SH3GLB1: variants seen among roughly 807,000 people sequenced by gnomAD.
The protein encoded by SH3GLB1 is SH3 domain containing GRB2 like, endophilin B1.
A neutral mutation model predicts 42.0 loss-of-function variants in SH3GLB1; 17 were observed. The ratio of observed to expected loss-of-function variants is 0.40; its 90% CI spans 0.28 to 0.61. The LOEUF is 0.61. SH3GLB1 is among the 20% of genes least tolerant of loss of function. The pLI, the probability that SH3GLB1 is intolerant of heterozygous loss-of-function variation, is 0.36. For missense variants in SH3GLB1, 355 were observed against 426.3 expected, an observed-to-expected ratio of 0.83 and a Z score of 1.47; for synonymous variants, 132 against 146.6, an observed-to-expected ratio of 0.90 and a Z score of 0.72.
chr1:86,743,262 A>G lies in SH3GLB1; in HGVS notation c.*27A>G, dbSNP rs748827628. On this transcript the variant is annotated 3_prime_UTR_variant, in exon 9 of 9. Coordinates refer to ENST00000370558, the MANE Select transcript of SH3GLB1 (RefSeq NM_016009.5). Reference sequence around the variant, plus strand: ...TAGGTGGACTATGGAAAGGTTGCCCATCATGACTTTGTATTTATATACAAT... The same window carrying G: ...TAGGTGGACTATGGAAAGGTTGCCCGTCATGACTTTGTATTTATATACAAT... 1.5e-5 allele frequency: 22 copies of G among 1,508,306 alleles called. No homozygotes were observed. In the East Asian group the frequency reaches 5.0e-4, roughly 35 times the overall value. The allele number at this position is 1,508,306 out of a possible 1,614,324, so 93.4% of individuals were successfully genotyped here.
intron 1 of SH3GLB1, among the ~76,000 whole-genome samples, chr1:86,706,176 G>A (rs1393818079): frequency 6.6e-6 from 1 of 152,220 alleles, no homozygotes; most frequent in Non-Finnish European, 1.5e-5. Context: ...CCTTACTGAG[G>A]TTAAGAAACT....
rs751913614 is a variant in SH3GLB1 at position 86,743,275 on chromosome 1, A to AT, written c.*43dup. ...GAAAGGTTGCCCATCATGACTTTGT[A>AT]TTTATATACAATTAACTCTAAATAA... On this transcript the variant is annotated 3_prime_UTR_variant, in exon 9 of 9. Coordinates refer to ENST00000370558, the MANE Select transcript of SH3GLB1 (RefSeq NM_016009.5). 1 of 1,353,384 alleles carries AT rather than the reference A, an allele frequency of 7.4e-7. No individual in the cohort carries two copies. The highest frequency in any genetic ancestry group is 2.2e-5 in the Admixed American group (1 of 45,628). 83.8% of individuals were successfully genotyped at this position (1,353,384 alleles called of 1,614,324 possible).
rs1221082595 is a variant in SH3GLB1 at position 86,743,250 on chromosome 1, G to A, written c.*15G>A. 2.6e-6 allele frequency: 4 copies of A among 1,560,484 alleles called. No homozygotes were observed. Among genetic ancestry groups the A allele is most frequent in the Non-Finnish European group, 3.5e-6 (4 of 1,150,914 alleles). On this transcript the variant is annotated 3_prime_UTR_variant, in exon 9 of 9. Transcript: ENST00000370558. ...TGCTCAATTAAGTAGGTGGACTATG[G>A]AAAGGTTGCCCATCATGACTTTGTA...
intron 1 of SH3GLB1, among the ~76,000 whole-genome samples, chr1:86,708,816 C>G (rs1268729521): frequency 1.3e-5 from 2 of 152,152 alleles, no homozygotes; most frequent in Non-Finnish European, 2.9e-5. Context: ...ACAATCTGGT[C>G]CTTTCTCTCA....
chr1:86,722,574 A>C lies in SH3GLB1; in HGVS notation c.378A>C (p.Lys126Asn), dbSNP rs751791058. The change falls in exon 4 of 9, where the codon AAA becomes AAC. Residue 126 changes from lysine (K) to asparagine (N), a missense_variant. Lys to Asn is a moderately conservative substitution (Grantham distance 94). Transcript: ENST00000370558. ...TTATTAAATGTGGAGAAACCCAAAA[A>C]AGAATTGGAACAGCAGACAGAGAAC... is the stretch of plus-strand genomic sequence containing the variant. ...NALIKCGETQ[K>N]RIGTADRELI... The C allele has an allele frequency of 3.1e-6, 5 of 1,603,058 alleles. No homozygotes were observed. Among genetic ancestry groups the C allele is most frequent in the Non-Finnish European group, 4.3e-6 (5 of 1,176,072 alleles).
At chr1:86,724,543 T>C in intron 5 of SH3GLB1, 138 bp downstream of exon 5, 1 of 683,214 alleles carries the variant, frequency 1.5e-6, no homozygotes. Context: ...CAGAACTTAA[T>C]ACATCCAAAT....
intron 5 of SH3GLB1, among the ~76,000 whole-genome samples, chr1:86,731,119 G>C (rs964250770): frequency 6.6e-6 from 1 of 152,182 alleles, no homozygotes; most frequent in Non-Finnish European, 1.5e-5. Flanking sequence ...GGCTGGGAAA[G>C]CAAGTAATTA....
intron 5 of SH3GLB1, chr1:86,730,244 AG>A (rs903341749): frequency 7.8e-6 from 11 of 1,403,802 alleles, no homozygotes; most frequent in Non-Finnish European, 1.0e-5. Flanking sequence ...TCTGAAAATG[AG>A]GGATATGTTC....
rs761912992 is a variant in SH3GLB1 at position 86,724,384 on chromosome 1, A to C, written c.549A>C (p.Lys183Asn). ...DAAKTRLKKAKAAETRNSSEQ... is the reference protein window; with the variant it reads ...DAAKTRLKKANAAETRNSSEQ... ...CAAAAACGAGACTAAAAAAGGCAAA[A>C]GCTGCAGAAACTAGAAATTCAGTAA... Residue 183 changes from lysine to asparagine, a missense_variant, in exon 5 of 9, where the codon AAA becomes AAC. Physicochemically the swap from Lys to Asn is moderately conservative, Grantham distance 94. Transcript: ENST00000370558. The C allele has an allele frequency of 3.7e-6, 6 of 1,601,942 alleles. No homozygotes were observed. The African/African-American group carries it at 8.1e-5, about 22-fold the overall frequency.
rs1319417665 is a variant in SH3GLB1, at chr1:86,733,936, T to C, written c.571-666T>C. On this transcript the variant is annotated intron_variant, in intron 5 of 8. Coordinates refer to ENST00000370558, the MANE Select transcript of SH3GLB1 (RefSeq NM_016009.5). The stretch of plus-strand genomic sequence containing the variant: ...CACACTACTGATTGAAGTTCGATCA[T>C]AACTTAAAAAGCTTTTTAAAACCCT... Among the ~76,000 whole-genome samples the C allele has an allele frequency of 1.3e-5, 2 of 152,174 alleles. 1 individual carries two copies. The highest frequency in any genetic ancestry group is 4.1e-4 in the South Asian group (2 of 4,826).
chr1:86,722,514 T>C lies in SH3GLB1; in HGVS notation c.344-26T>C, dbSNP rs114451828. On this transcript the variant is annotated intron_variant, in intron 3 of 8. Transcript: ENST00000370558. ...ATTTTCTGGTATTACCAGACAATGA[T>C]TTTTAAAAACATTTTTCCTTTGCAG... 692 of 1,552,156 alleles carry C rather than the reference T, an allele frequency of 4.5e-4. 5 individuals are homozygous for C. In the African/African-American group the frequency reaches 7.9e-3, roughly 18 times the overall value.
At chr1:86,739,443 A>C (rs1655949404) in intron 7 of SH3GLB1, among the ~76,000 whole-genome samples, 1 of 152,226 alleles carries the variant, frequency 6.6e-6, no homozygotes, top group Non-Finnish European at 1.5e-5. Context: ...AGGACTACGA[A>C]TTGACCATTG....
chr1:86,729,781 T>C (rs894672791), intron 5 of SH3GLB1, among the ~76,000 whole-genome samples: 4 of 152,118 alleles, frequency 2.6e-5, no homozygotes, highest in African/African-American at 9.7e-5. Flanking sequence ...TGAAATCATT[T>C]AGTCCAAATC....
rs758840996 is a variant in SH3GLB1 at position 86,743,364 on chromosome 1, G to A, written c.*129G>A. The A allele has an allele frequency of 6.1e-5, 29 of 478,264 alleles. No homozygotes were observed. Among genetic ancestry groups the A allele is most frequent in the Non-Finnish European group, 9.3e-5 (26 of 280,668 alleles). The allele number at this position is 478,264 out of a possible 1,614,324, so 29.6% of individuals were successfully genotyped here. A position where few individuals can be genotyped will look rare whatever the true frequency, so the allele number is the denominator to read the frequency against. The stretch of plus-strand genomic sequence containing the variant: ...CTGAAAATACCAGCCATCAGAAACT[G>A]GCCTTTCTGCCAATAAAGTTGCATG... On this transcript the variant is annotated 3_prime_UTR_variant, in exon 9 of 9. Coordinates refer to ENST00000370558, the MANE Select transcript of SH3GLB1 (RefSeq NM_016009.5).
At chr1:86,726,771 C>T (rs1422388200) in intron 5 of SH3GLB1, among the ~76,000 whole-genome samples, 1 of 151,918 alleles carries the variant, frequency 6.6e-6, no homozygotes, top group Non-Finnish European at 1.5e-5. Flanking sequence ...TTTATTATTA[C>T]ATAAAGCCTG....
chr1:86,716,157 C>T (rs1654515669), intron 2 of SH3GLB1, among the ~76,000 whole-genome samples: 1 of 152,034 alleles, frequency 6.6e-6, no homozygotes, highest in Non-Finnish European at 1.5e-5. Flanking sequence ...AATATGTTTT[C>T]CTTTTTCATC....
chr1:86,719,820 C>A (rs1654761768), intron 3 of SH3GLB1, among the ~76,000 whole-genome samples, 185 bp downstream of exon 3: 2 of 151,210 alleles, frequency 1.3e-5, no homozygotes. Context: ...ATGGTGAAAC[C>A]CCGTCTCTAC....
At chr1:86,722,010 C>CTTTTTTTTT (rs377380040) in intron 3 of SH3GLB1, among the ~76,000 whole-genome samples, 1 of 111,640 alleles carries the variant, frequency 9.0e-6, no homozygotes. Context: ...AGGCAACCAT[C>CTTTTTTTTT]TTTTTTTTTT....
At position 86,743,362 on chromosome 1, in the gene SH3GLB1, C is replaced by T. The variant is rs192547923; in HGVS notation, c.*127C>T. 51 of 479,366 alleles carry T rather than the reference C, an allele frequency of 1.1e-4. No individual in the cohort carries two copies. The Admixed American group carries it at 1.8e-3, about 17-fold the overall frequency. 29.7% of individuals were successfully genotyped at this position (479,366 alleles called of 1,614,324 possible). On this transcript the variant is annotated 3_prime_UTR_variant, in exon 9 of 9. Coordinates refer to ENST00000370558, the MANE Select transcript of SH3GLB1 (RefSeq NM_016009.5). The stretch of plus-strand genomic sequence containing the variant: ...GACTGAAAATACCAGCCATCAGAAA[C>T]TGGCCTTTCTGCCAATAAAGTTGCA...
Sources: allele counts gnomAD v4.1 joint callset (sites outside exome capture counted in the v4.1 genomes callset), GRCh38; gene constraint gnomAD v4.1.1; transcripts MANE v1.5; gene names NCBI Gene and HGNC (gene_info 2026-07-23, HGNC 2026-07-21).